LRRC4C: variants seen among roughly 807,000 people sequenced by gnomAD.
The protein encoded by LRRC4C is leucine rich repeat containing 4C, also known as leucine-rich repeat-containing protein 4C.
LRRC4C carries 5 observed loss-of-function variants against 33.6 expected under a neutral mutation model. The observed-to-expected ratio is 0.15, with a 90% CI of 0.08 to 0.31. LRRC4C has a LOEUF of 0.31. LRRC4C is among the 10% of genes least tolerant of loss of function. The pLI is 1.00. For missense variants in LRRC4C, 560 were observed against 796.7 expected, an observed-to-expected ratio of 0.70 and a Z score of 3.58; for synonymous variants, 329 against 302.0, an observed-to-expected ratio of 1.09 and a Z score of -0.93.
intron 1 of LRRC4C, among the ~76,000 whole-genome samples, chr11:41,220,595 A>G (rs964304777): frequency 6.6e-6 from 1 of 151,882 alleles, no homozygotes; most frequent in African/African-American, 2.4e-5. Flanking sequence ...TCCAATCACA[A>G]GATTTTAAAG....
At chr11:41,033,954 AT>A (rs1317544564) in intron 1 of LRRC4C, among the ~76,000 whole-genome samples, 2 of 152,096 alleles carry the variant, frequency 1.3e-5, no homozygotes, top group Admixed American at 1.3e-4. Context: ...ATGACAAAAA[AT>A]AAAAGAAAAT....
At chr11:41,259,299 T>C (rs1175523992) in intron 1 of LRRC4C, among the ~76,000 whole-genome samples, 3 of 152,052 alleles carry the variant, frequency 2.0e-5, no homozygotes, top group Non-Finnish European at 2.9e-5. Context: ...ATGAAAGACA[T>C]CAGCACATGT....
At chr11:40,329,737 C>CTTTTTTTTTTTTTTTTTTT (rs199598860) in intron 3 of LRRC4C, among the ~76,000 whole-genome samples, 2 of 120,414 alleles carry the variant, frequency 1.7e-5, no homozygotes, top group African/African-American at 3.1e-5. Flanking sequence ...CTTTCTTTTT[C>CTTTTTTTTTTTTTTTTTTT]TTTTTTTTTT....
chr11:41,373,916 T>C (rs1378397442), intron 1 of LRRC4C, among the ~76,000 whole-genome samples: 1 of 152,206 alleles, frequency 6.6e-6, no homozygotes, highest in Non-Finnish European at 1.5e-5. Context: ...GATAATACCA[T>C]GTGCCCTATT....
intron 1 of LRRC4C, among the ~76,000 whole-genome samples, chr11:41,189,892 A>G (rs890236240): frequency 3.9e-5 from 6 of 152,188 alleles, no homozygotes; most frequent in Non-Finnish European, 7.3e-5. Flanking sequence ...TTGTCTCCAC[A>G]CTGACGTGCC....
At chr11:40,470,332 C>G (rs1159734633) in intron 3 of LRRC4C, among the ~76,000 whole-genome samples, 2 of 152,108 alleles carry the variant, frequency 1.3e-5, no homozygotes, top group Non-Finnish European at 2.9e-5. Flanking sequence ...GAAAGGAATA[C>G]CATCAACATC....
intron 1 of LRRC4C, among the ~76,000 whole-genome samples, chr11:41,001,220 C>T (rs1480975259): frequency 6.6e-6 from 1 of 152,058 alleles, no homozygotes; most frequent in East Asian, 1.9e-4. Context: ...TAGAATTGAC[C>T]TATCTCTTGG....
rs115280595 is a variant in LRRC4C at position 40,660,383 on chromosome 11, G to A, written c.-406-12105C>T. 4.5e-3 allele frequency among the ~76,000 whole-genome samples: 687 copies of A among 152,270 alleles called. 5 individuals carry two copies. The highest frequency in any genetic ancestry group is 0.015 in the African/African-American group (630 of 41,542). ...ACCCCAGCAGGCCCAAGCAGAACTC[G>A]GGCAAAGGCACCACTGGCCACAGAA... On this transcript the variant is annotated intron_variant, in intron 2 of 6. Transcript: ENST00000528697.
chr11:40,815,382 A>G lies in LRRC4C; in HGVS notation c.-407+118253T>C, dbSNP rs147011922. On this transcript the variant is annotated intron_variant, in intron 2 of 6. Transcript: ENST00000528697. ...ACATGTGGGGATTATGGGAGCTACA[A>G]TTTAAGATGAGATTTGGGTGGGCCA... 4.6e-3 allele frequency among the ~76,000 whole-genome samples: 700 copies of G among 152,264 alleles called. 3 individuals are homozygous for G. Among genetic ancestry groups the G allele is most frequent in the African/African-American group, 0.016 (663 of 41,580 alleles).
chr11:40,398,525 T>C (rs1023029332), intron 3 of LRRC4C, among the ~76,000 whole-genome samples: 1 of 152,050 alleles, frequency 6.6e-6, no homozygotes, highest in Non-Finnish European at 1.5e-5. Flanking sequence ...GATAAACCAG[T>C]GATTCTGTCT....
At chr11:40,676,894 T>C (rs1944433564) in intron 2 of LRRC4C, among the ~76,000 whole-genome samples, 1 of 152,062 alleles carries the variant, frequency 6.6e-6, no homozygotes, top group African/African-American at 2.4e-5. Flanking sequence ...CAGAAAATGG[T>C]GTATTTCCCA....
At chr11:40,766,574 G>T (rs895240239) in intron 2 of LRRC4C, among the ~76,000 whole-genome samples, 5 of 151,676 alleles carry the variant, frequency 3.3e-5, no homozygotes, top group African/African-American at 1.2e-4. Context: ...TATATAAAAA[G>T]ATATACATAG....
intron 1 of LRRC4C, among the ~76,000 whole-genome samples, chr11:40,935,573 G>A (rs190441765): frequency 4.0e-4 from 61 of 152,116 alleles, no homozygotes; most frequent in Non-Finnish European, 7.2e-4. Context: ...ACAGTAACAT[G>A]GTGTACAGGT....
chr11:40,776,142 T>G (rs144184936), intron 2 of LRRC4C, among the ~76,000 whole-genome samples: 196 of 152,258 alleles, frequency 1.3e-3, no homozygotes, highest in Middle Eastern at 3.4e-3. Context: ...TGTGGTGAAT[T>G]AACTTTATTA....
intron 1 of LRRC4C, among the ~76,000 whole-genome samples, chr11:41,427,780 GC>G (rs767308835): frequency 9.9e-5 from 15 of 152,160 alleles, no homozygotes; most frequent in Admixed American, 4.6e-4. Context: ...AATTTAAATG[GC>G]CTGTTCCTGC....
intron 3 of LRRC4C, among the ~76,000 whole-genome samples, chr11:40,358,097 T>C (rs1947758780): frequency 6.6e-6 from 1 of 151,894 alleles, no homozygotes; most frequent in African/African-American, 2.4e-5. Context: ...TCAGGAGAAT[T>C]GTTTGAACCC....
At chr11:40,877,126 T>A (rs1350231889) in intron 2 of LRRC4C, among the ~76,000 whole-genome samples, 1 of 98,364 alleles carries the variant, frequency 1.0e-5, no homozygotes, top group Non-Finnish European at 2.5e-5. Flanking sequence ...TAAGTTCAGG[T>A]GACATTTTTT....
At chr11:40,818,023 C>T (rs1392909360) in intron 2 of LRRC4C, among the ~76,000 whole-genome samples, 1 of 152,054 alleles carries the variant, frequency 6.6e-6, no homozygotes, top group Non-Finnish European at 1.5e-5. Flanking sequence ...TTATGAAAAG[C>T]TCTTTATTGA....
At position 41,421,604 on chromosome 11, in the gene LRRC4C, A is replaced by T. The variant is rs570957416; in HGVS notation, c.-496+37827T>A. The stretch of plus-strand genomic sequence containing the variant: ...TAACAAATGTCTCTTGCTAAATGTC[A>T]AGTGAGATTTCTGGAGGGGAAAGAA... On this transcript the variant is annotated intron_variant, in intron 1 of 6. Coordinates refer to ENST00000528697, the MANE Select transcript of LRRC4C (RefSeq NM_001258419.2). Among the ~76,000 whole-genome samples the T allele has an allele frequency of 5.5e-3, 833 of 152,178 alleles. 6 individuals carry two copies. Among genetic ancestry groups the T allele is most frequent in the African/African-American group, 0.019 (806 of 41,546 alleles).
Sources: gnomAD v4.1 joint callset for allele counts (sites outside exome capture counted in the v4.1 genomes callset) on GRCh38, gnomAD v4.1.1 for gene constraint, MANE v1.5 for transcripts, NCBI Gene and HGNC (gene_info 2026-07-23, HGNC 2026-07-21) for gene names.